Variants in C18orf54 observed in about 807,000 individuals in gnomAD.
The protein encoded by C18orf54 is lung adenoma susceptibility protein 2.
In C18orf54, 49 loss-of-function variants were observed where a neutral mutation model predicts 49.3. That is an observed-to-expected ratio of 0.99 (90% CI 0.79 to 1.26). The LOEUF is 1.26. Among genes scored for constraint, C18orf54 ranks in the 50% most tolerant of loss-of-function variants. The pLI is 0.00. For synonymous variants in C18orf54, 211 were observed against 216.6 expected (o/e 0.97, Z 0.23); for missense variants, 687 against 620.6 (o/e 1.11, Z -1.14).
rs1447853459 is a variant in C18orf54, at chr18:54,380,440, A to G, written c.*2194A>G. 1.5e-5 allele frequency: 1 copy of G among 67,054 alleles called. No individual in the cohort carries two copies. The highest frequency in any genetic ancestry group is 3.9e-4 in the East Asian group (1 of 2,554). The allele number at this position is 67,054 out of a possible 1,614,324, so 4.2% of individuals were successfully genotyped here. A position where few individuals can be genotyped will look rare whatever the true frequency, so the allele number is the denominator to read the frequency against. ...CAGATCTTTGAGTATGAAAAACATA[A>G]CAAAAAAAGCCTAATTTCAAAAAAC... is the stretch of plus-strand genomic sequence containing the variant. On this transcript the variant is annotated 3_prime_UTR_variant, in exon 9 of 9. Transcript: ENST00000620105.
At chr18:54,369,967 G>A (rs1344369181) in intron 6 of C18orf54, among the ~76,000 whole-genome samples, 1 of 151,938 alleles carries the variant, frequency 6.6e-6, no homozygotes, top group Non-Finnish European at 1.5e-5. Context: ...TCAACCAACT[G>A]CAAATTGAAA....
At chr18:54,368,262 T>A (rs2089423576) in intron 6 of C18orf54, among the ~76,000 whole-genome samples, 1 of 152,130 alleles carries the variant, frequency 6.6e-6, no homozygotes, top group African/African-American at 2.4e-5. Context: ...TCATATTTCT[T>A]GTGTTTGTTT....
intron 5 of C18orf54, among the ~76,000 whole-genome samples, chr18:54,365,310 T>G (rs941207856): frequency 6.6e-6 from 1 of 152,024 alleles, no homozygotes; most frequent in African/African-American, 2.4e-5. Flanking sequence ...AGGAGAACAT[T>G]TAACTGCCAT....
chr18:54,361,583 T>A, intron 3 of C18orf54, 60 bp from the exon 4 acceptor site: 1 of 1,369,078 alleles, frequency 7.3e-7, no homozygotes, highest in Non-Finnish European at 9.8e-7. Context: ...AATTCTCATT[T>A]ACTGTTGGAT....
rs1003777094 is a variant in C18orf54, at chr18:54,378,933, G to A, written c.*687G>A. 1 of 151,878 alleles carries A rather than the reference G, an allele frequency of 6.6e-6. No homozygotes were observed. Among genetic ancestry groups the A allele is most frequent in the Non-Finnish European group, 1.5e-5 (1 of 67,902 alleles). The allele number at this position is 151,878 out of a possible 1,614,324, so 9.4% of individuals were successfully genotyped here. A position where few individuals can be genotyped will look rare whatever the true frequency, so the allele number is the denominator to read the frequency against. On this transcript the variant is annotated 3_prime_UTR_variant, in exon 9 of 9. Transcript: ENST00000620105. ...CTTGACAGTTTCCAAACCTTTTTTT[G>A]GAGAGATATTTAAGAATTTAATATT...
In C18orf54 at chr18:54,362,822, G is replaced by A. The variant is rs553514585; in HGVS notation, c.1124G>A (p.Cys375Tyr). 19 of 1,612,258 alleles carry A rather than the reference G, an allele frequency of 1.2e-5. No individual in the cohort carries two copies. The highest frequency in any genetic ancestry group is 1.5e-5 in the Non-Finnish European group (18 of 1,179,544). ...ILKAKRNLEQ[C>Y]TEELPKSMKK... ...AAGGCCAAGAGAAATCTAGAGCAGT[G>A]TACTGAAGAATTACCAAAGTCCATG... The change falls in exon 5 of 9, where the codon TGT (cysteine) becomes TAT (tyrosine). Residue 375 changes from cysteine (C) to tyrosine (Y), a missense_variant. By Grantham distance (194) the Cys-to-Tyr change is radical. Transcript: ENST00000620105.
Position 54,362,926 on chromosome 18 carries a change from G to T in C18orf54, c.1223+5G>T. Reference sequence around the variant, plus strand: ...GGAAAATATTCCTGTTACTTTGTAAGTAAGTGGCAATGGAAAAACTGTTTA... The same window carrying T: ...GGAAAATATTCCTGTTACTTTGTAATTAAGTGGCAATGGAAAAACTGTTTA... On this transcript the variant is annotated splice_donor_5th_base_variant and intron_variant, in intron 5 of 8. Transcript: ENST00000620105. 6.3e-7 allele frequency: 1 copy of T among 1,583,774 alleles called. No individual in the cohort carries two copies.
At chr18:54,363,878 T>A (rs553024692) in intron 5 of C18orf54, 9 of 152,246 alleles carry the variant, frequency 5.9e-5, no homozygotes, top group African/African-American at 2.2e-4. Context: ...TAATTCCAGT[T>A]TAGAAGCCTA....
intron 5 of C18orf54, among the ~76,000 whole-genome samples, chr18:54,364,359 T>G (rs1446690225): frequency 6.6e-6 from 1 of 152,154 alleles, no homozygotes; most frequent in Non-Finnish European, 1.5e-5. Flanking sequence ...TTTTATTATT[T>G]GATAATGTAA....
chr18:54,358,282 G>C (rs1156475833), intron 1 of C18orf54, among the ~76,000 whole-genome samples: 2 of 152,182 alleles, frequency 1.3e-5, no homozygotes, highest in African/African-American at 4.8e-5. Flanking sequence ...ACTGTAGGGG[G>C]AGTGCCCCCT....
At position 54,362,791 on chromosome 18, in the gene C18orf54, A is replaced by G. The variant is rs767526321; in HGVS notation, c.1093A>G (p.Ile365Val). 1 of 1,605,288 alleles carries G rather than the reference A, an allele frequency of 6.2e-7. No individual in the cohort carries two copies. Among genetic ancestry groups the G allele is most frequent in the Non-Finnish European group, 8.5e-7 (1 of 1,178,132 alleles). The stretch of plus-strand genomic sequence containing the variant: ...ATTAGGTGACAAAATTGAATTGCTT[A>G]TCTTGAAGGCCAAGAGAAATCTAGA... ...PFSGDKIELL[I>V]LKAKRNLEQC... The change falls in exon 5 of 9, where the codon ATC (isoleucine) becomes GTC (valine). Residue 365 changes from isoleucine to valine, a missense_variant. Coordinates refer to ENST00000620105, the MANE Select transcript of C18orf54 (RefSeq NM_001288980.2).
rs1449967245 is a variant in C18orf54, at chr18:54,362,126, T to C, written c.767T>C (p.Ile256Thr). Residue 256 changes from isoleucine to threonine, a missense_variant, in exon 4 of 9, where the codon ATA becomes ACA. Transcript: ENST00000620105. The stretch of plus-strand genomic sequence containing the variant: ...CTTAATGTTTCAGGGATAACTAGTA[T>C]ACCTGATTTCAAATACCCAGTCTGG... ...SDLNVSGITS[I>T]PDFKYPVWLH... The C allele has an allele frequency of 1.3e-6, 2 of 1,536,634 alleles. No homozygotes were observed. The highest frequency in any genetic ancestry group is 1.7e-6 in the Non-Finnish European group (2 of 1,146,934).
Position 54,365,825 on chromosome 18 carries a change from G to T in C18orf54, c.1326+4G>T. 1 of 1,524,596 alleles carries T rather than the reference G, an allele frequency of 6.6e-7. No individual in the cohort carries two copies. The highest frequency in any genetic ancestry group is 9.0e-7 in the Non-Finnish European group (1 of 1,115,116). The allele number at this position is 1,524,596 out of a possible 1,614,324, so 94.4% of individuals were successfully genotyped here. On this transcript the variant is annotated splice_donor_region_variant and intron_variant, in intron 6 of 8. Coordinates refer to ENST00000620105, the MANE Select transcript of C18orf54 (RefSeq NM_001288980.2). ...CTTTCTAAATAATGATAATCAGGTG[G>T]GTGAAATTAAAAGTTTTAAAACTTA...
chr18:54,359,555 T>A (rs1338460446), intron 2 of C18orf54, among the ~76,000 whole-genome samples: 1 of 152,228 alleles, frequency 6.6e-6, no homozygotes, highest in African/African-American at 2.4e-5. Context: ...AAGATTACAT[T>A]AAAAGTTGTT....
Position 54,362,113 on chromosome 18 carries a change from G to A in C18orf54, c.754G>A (p.Gly252Arg). 6.5e-7 allele frequency: 1 copy of A among 1,537,366 alleles called. No individual in the cohort carries two copies. The highest frequency in any genetic ancestry group is 8.7e-7 in the Non-Finnish European group (1 of 1,146,956). ...CCAGAAATCTGACCTTAATGTTTCAGGGATAACTAGTATACCTGATTTCAA... is the reference window on the plus strand; with the variant it reads ...CCAGAAATCTGACCTTAATGTTTCAAGGATAACTAGTATACCTGATTTCAA... ...TSQKSDLNVS[G>R]ITSIPDFKYP... The change falls in exon 4 of 9, where the codon GGG (glycine) becomes AGG (arginine). Residue 252 changes from glycine to arginine, a missense_variant. Coordinates refer to ENST00000620105, the MANE Select transcript of C18orf54 (RefSeq NM_001288980.2).
chr18:54,365,742 C>G lies in C18orf54; in HGVS notation c.1247C>G (p.Ser416Cys). The G allele has an allele frequency of 6.3e-7, 1 of 1,596,366 alleles. No homozygotes were observed. Among genetic ancestry groups the G allele is most frequent in the African/African-American group, 1.3e-5 (1 of 74,780 alleles). The change falls in exon 6 of 9, where the codon TCT becomes TGT. Residue 416 changes from serine to cysteine, a missense_variant. By Grantham distance (112) the Ser-to-Cys change is moderately radical (BLOSUM62 -1). Transcript: ENST00000620105. ...VTFKSPVPVN[S>C]DDSPQQTSRA... is the part of the protein sequence containing the mutation. ...AGCAAATCTCCTGTTCCCGTTAACT[C>G]TGATGATAGTCCTCAACAAACTTCA... is the stretch of plus-strand genomic sequence containing the variant.
chr18:54,372,377 T>C (rs1487213390), intron 6 of C18orf54, 89 bp from the exon 7 acceptor site: 7 of 1,221,898 alleles, frequency 5.7e-6, no homozygotes, highest in African/African-American at 1.5e-5. Flanking sequence ...TTACATTAAT[T>C]TTCTATTGGG....
chr18:54,371,669 C>G (rs1471260472), intron 6 of C18orf54, among the ~76,000 whole-genome samples: 1 of 152,074 alleles, frequency 6.6e-6, no homozygotes, highest in Non-Finnish European at 1.5e-5. Flanking sequence ...AACCATACTG[C>G]TTACCTTGAG....
intron 3 of C18orf54, among the ~76,000 whole-genome samples, 199 bp downstream of exon 3, chr18:54,361,054 C>T (rs1469450324): frequency 6.6e-6 from 1 of 152,014 alleles, no homozygotes; most frequent in Non-Finnish European, 1.5e-5. Context: ...AAGAGTTTGT[C>T]CATAATAAAG....
Sources: gnomAD v4.1 joint callset for allele counts (sites outside exome capture counted in the v4.1 genomes callset) on GRCh38, gnomAD v4.1.1 for gene constraint, MANE v1.5 for transcripts, NCBI Gene and HGNC (gene_info 2026-07-23, HGNC 2026-07-21) for gene names.